Variants in IFITM10 observed in about 807,000 individuals in gnomAD.
The protein encoded by IFITM10 is interferon-induced transmembrane protein 10.
A neutral mutation model predicts 19.0 loss-of-function variants in IFITM10; 17 were observed. That is an observed-to-expected ratio of 0.90 (90% CI 0.61 to 1.34). The LOEUF is 1.34. Ranked by LOEUF, IFITM10 falls within the 40% of genes most tolerant of loss-of-function variation. IFITM10 has a pLI of 0.00. For synonymous variants in IFITM10, 148 were observed against 147.2 expected (o/e 1.01, Z -0.04); for missense variants, 306 against 319.8 (o/e 0.96, Z 0.33).
At chr11:1,747,593 C>T in intron 2 of IFITM10, 74 bp downstream of exon 2, 1 of 1,367,262 alleles carries the variant, frequency 7.3e-7, no homozygotes, top group Admixed American at 2.1e-5. Context: ...GGGCCGAGCG[C>T]CCACAGCCAG....
At chr11:1,746,865 G>A in intron 2 of IFITM10, 1 of 398,392 alleles carries the variant, frequency 2.5e-6, no homozygotes, top group Non-Finnish European at 4.4e-6. Flanking sequence ...TCGGGGTGGG[G>A]AGGAGGGCAC....
At chr11:1,745,521 C>T (rs1226390729) in intron 2 of IFITM10, 1 of 152,692 alleles carries the variant, frequency 6.5e-6, no homozygotes, top group East Asian at 1.9e-4. Flanking sequence ...ACCACACACA[C>T]ATGCTCTCAC....
chr11:1,747,548 C>T (rs1845665038), intron 2 of IFITM10, 119 bp downstream of exon 2: 10 of 867,014 alleles, frequency 1.2e-5, no homozygotes, highest in East Asian at 1.1e-4. Flanking sequence ...CTCAACTGCA[C>T]CTGTTCTACC....
At chr11:1,738,389 G>A (rs1313443651) in intron 2 of IFITM10, among the ~76,000 whole-genome samples, 1 of 152,168 alleles carries the variant, frequency 6.6e-6, no homozygotes, top group Non-Finnish European at 1.5e-5. Context: ...CCATTGTGAA[G>A]TTGAAAAAGC....
intron 2 of IFITM10, among the ~76,000 whole-genome samples, chr11:1,747,314 C>T (rs55647838): frequency 0.017 from 2,663 of 152,224 alleles, 72 homozygotes; most frequent in African/African-American, 0.06. Context: ...TGGCTGCTGC[C>T]CAGGTCTACG....
intron 2 of IFITM10, 141 bp from the exon 3 acceptor site, chr11:1,735,570 G>T: frequency 1.3e-6 from 1 of 785,446 alleles, no homozygotes. Flanking sequence ...AATGAACGAT[G>T]GTTCTAGAGG....
Position 1,732,771 on chromosome 11 carries a change from C to A in IFITM10, c.*2509G>T, listed in dbSNP as rs923627539. 4 of 152,174 alleles carry A rather than the reference C, an allele frequency of 2.6e-5. No homozygotes were observed. Among genetic ancestry groups the A allele is most frequent in the African/African-American group, 9.7e-5 (4 of 41,432 alleles). The allele number at this position is 152,174 out of a possible 1,614,324, so 9.4% of individuals were successfully genotyped here. A position where few individuals can be genotyped will look rare whatever the true frequency, so the allele number is the denominator to read the frequency against. ...CAAGAGCTAGGGGTGCCTTTACTGGCTGGAAGGTGACCGTTCCATTTCCCC... is the reference window on the plus strand; with the variant it reads ...CAAGAGCTAGGGGTGCCTTTACTGGATGGAAGGTGACCGTTCCATTTCCCC... On this transcript the variant is annotated 3_prime_UTR_variant, in exon 3 of 3. Transcript: ENST00000340134.
intron 2 of IFITM10, among the ~76,000 whole-genome samples, chr11:1,739,604 C>G (rs1851124176): frequency 6.6e-6 from 1 of 151,930 alleles, no homozygotes; most frequent in African/African-American, 2.4e-5. Context: ...CTCAGGGGAA[C>G]AGAGAGTGCT....
rs947083478 is a variant in IFITM10 at position 1,735,062 on chromosome 11, G to A, written c.*218C>T. On this transcript the variant is annotated 3_prime_UTR_variant, in exon 3 of 3. Transcript: ENST00000340134. ...CCCAGGCCCCAGACACAGGCAGGGT[G>A]GAGGCCAGGAGGCGGAGGGGGTGGA... The A allele has an allele frequency of 9.1e-5, 51 of 560,834 alleles. No individual in the cohort carries two copies. The highest frequency in any genetic ancestry group is 3.5e-5 in the Non-Finnish European group (11 of 318,286). The allele number at this position is 560,834 out of a possible 1,614,324, so 34.7% of individuals were successfully genotyped here.
At chr11:1,746,876 C>G (rs945663216) in intron 2 of IFITM10, 1 of 398,074 alleles carries the variant, frequency 2.5e-6, no homozygotes, top group African/African-American at 2.1e-5. Flanking sequence ...AGGAGGGCAC[C>G]GGGGCCTGCC....
chr11:1,744,513 G>A (rs1845614198), intron 2 of IFITM10: 1 of 152,946 alleles, frequency 6.5e-6, no homozygotes, highest in African/African-American at 2.4e-5. Context: ...AGTGTGTGGA[G>A]GCGGCATGAA....
intron 1 of IFITM10, chr11:1,748,574 A>C: frequency 1.3e-5 from 2 of 157,200 alleles, no homozygotes; most frequent in Non-Finnish European, 2.8e-5. Flanking sequence ...CGGACACCCG[A>C]TACCGCCACG....
At chr11:1,736,888 G>A (rs374241912) in intron 2 of IFITM10, among the ~76,000 whole-genome samples, 24 of 152,042 alleles carry the variant, frequency 1.6e-4, no homozygotes, top group African/African-American at 5.8e-4. Flanking sequence ...GAAGGGAAGG[G>A]AGGGAACAAG....
chr11:1,737,998 T>C (rs1378081374), intron 2 of IFITM10, among the ~76,000 whole-genome samples: 2 of 151,790 alleles, frequency 1.3e-5, no homozygotes, highest in Non-Finnish European at 2.9e-5. Context: ...ATTGGGTGCA[T>C]AGAAAATGGC....
chr11:1,743,409 T>G (rs1363198904), intron 2 of IFITM10, among the ~76,000 whole-genome samples: 1 of 145,308 alleles, frequency 6.9e-6, no homozygotes, highest in Non-Finnish European at 1.5e-5. Flanking sequence ...GATAGACGGA[T>G]GGATGGAGGG....
At position 1,734,993 on chromosome 11, in the gene IFITM10, A is replaced by G. The variant is rs1851068659; in HGVS notation, c.*287T>C. On this transcript the variant is annotated 3_prime_UTR_variant, in exon 3 of 3. Transcript: ENST00000340134. Reference sequence around the variant, plus strand: ...TGGGAAGGGGCACGTGAGGGCAGGGACACAGACGCTGGAAGCCAGGGTGCA... The same window carrying G: ...TGGGAAGGGGCACGTGAGGGCAGGGGCACAGACGCTGGAAGCCAGGGTGCA... 2.2e-6 allele frequency: 1 copy of G among 450,026 alleles called. No homozygotes were observed. Among genetic ancestry groups the G allele is most frequent in the Admixed American group, 3.8e-5 (1 of 26,178 alleles). The allele number at this position is 450,026 out of a possible 1,614,324, so 27.9% of individuals were successfully genotyped here.
chr11:1,747,593 C>A, intron 2 of IFITM10, 74 bp downstream of exon 2: 5 of 1,367,262 alleles, frequency 3.7e-6, no homozygotes, highest in Non-Finnish European at 5.1e-6. Context: ...GGGCCGAGCG[C>A]CCACAGCCAG....
At chr11:1,743,664 C>A (rs916187863) in intron 2 of IFITM10, among the ~76,000 whole-genome samples, 1 of 152,148 alleles carries the variant, frequency 6.6e-6, no homozygotes, top group Admixed American at 6.5e-5. Context: ...CGCCCTGTCA[C>A]TGGAAGGTCT....
chr11:1,750,576 C>T lies in IFITM10; in HGVS notation c.-134G>A. On this transcript the variant is annotated 5_prime_UTR_variant, in exon 1 of 3. Coordinates refer to ENST00000340134, the MANE Select transcript of IFITM10 (RefSeq NM_001170820.4). The stretch of plus-strand genomic sequence containing the variant: ...TGGGGTCCTGTCTGCCTGCCTGTGC[C>T]TGACTCTGAACCCTTTCTCTCCCCA... The T allele has an allele frequency of 8.5e-7, 1 of 1,173,208 alleles. No individual in the cohort carries two copies. Among genetic ancestry groups the T allele is most frequent in the Non-Finnish European group, 1.2e-6 (1 of 831,638 alleles). 72.7% of individuals were successfully genotyped at this position (1,173,208 alleles called of 1,614,324 possible).
Sources: gnomAD v4.1 joint callset for allele counts (sites outside exome capture counted in the v4.1 genomes callset) on GRCh38, gnomAD v4.1.1 for gene constraint, MANE v1.5 for transcripts, NCBI Gene and HGNC (gene_info 2026-07-23, HGNC 2026-07-21) for gene names.